SCLT1: variants seen among roughly 807,000 people sequenced by gnomAD.
The protein encoded by SCLT1 is sodium channel and clathrin linker 1.
A neutral mutation model predicts 112.8 loss-of-function variants in SCLT1; 78 were observed. The ratio of observed to expected loss-of-function variants is 0.69; its 90% CI spans 0.58 to 0.83. SCLT1 has a LOEUF of 0.83. Among genes scored for constraint, SCLT1 ranks in the 40% least tolerant of loss-of-function variants. SCLT1 has a pLI of 0.00. For missense variants in SCLT1, 747 were observed against 770.4 expected (o/e 0.97, Z 0.36); for synonymous variants, 257 against 254.7 (o/e 1.01, Z -0.09).
At chr4:129,051,529 T>C (rs1748790655) in intron 2 of SCLT1, among the ~76,000 whole-genome samples, 1 of 152,164 alleles carries the variant, frequency 6.6e-6, no homozygotes, top group South Asian at 2.1e-4. Context: ...TCTCTATTGG[T>C]CTGCTATTGG....
intron 18 of SCLT1, among the ~76,000 whole-genome samples, chr4:128,918,997 C>T (rs1210073587): frequency 6.6e-6 from 1 of 152,134 alleles, no homozygotes; most frequent in Non-Finnish European, 1.5e-5. Context: ...CAACATGCCA[C>T]TGACAGTATT....
In SCLT1 at chr4:128,997,935, T is replaced by C. The variant is rs1743147104; in HGVS notation, c.554A>G (p.Gln185Arg). The C allele has an allele frequency of 1.3e-6, 2 of 1,505,936 alleles. No homozygotes were observed. The highest frequency in any genetic ancestry group is 1.9e-5 in the Admixed American group (1 of 51,526). 93.3% of individuals were successfully genotyped at this position (1,505,936 alleles called of 1,614,324 possible). A position where few individuals can be genotyped will look rare whatever the true frequency, so the allele number is the denominator to read the frequency against. The change falls in exon 8 of 21, where the codon CAG (glutamine) becomes CGG (arginine). Residue 185 changes from glutamine to arginine, a missense_variant. Gln to Arg is a conservative substitution (Grantham distance 43). Around this residue, in one of 2 missense-constraint regions of SCLT1, gnomAD observed 723 missense variants for 721.3 expected, o/e 1.00. Coordinates refer to ENST00000281142, the MANE Select transcript of SCLT1 (RefSeq NM_144643.4). ...GGTCAGTTGTTGAAAATCAAATAGC[T>C]GATCCTACAGTGGGAAGGTAAGGGG... ...HVFESQKQKD[Q>R]LFDFQQLTKQ...
At chr4:128,987,189 A>G (rs1742173108) in intron 9 of SCLT1, among the ~76,000 whole-genome samples, 1 of 152,182 alleles carries the variant, frequency 6.6e-6, no homozygotes, top group African/African-American at 2.4e-5. Flanking sequence ...AAAACACTCA[A>G]TCTCTTTTGG....
intron 17 of SCLT1, 92 bp downstream of exon 17, chr4:128,942,904 G>C (rs1306628035): frequency 2.4e-6 from 2 of 842,254 alleles, no homozygotes; most frequent in African/African-American, 3.4e-5. Context: ...CAAAAAAAAA[G>C]GGGGCCTTAA....
chr4:128,979,779 C>T (rs188412085), intron 9 of SCLT1, among the ~76,000 whole-genome samples: 3 of 152,114 alleles, frequency 2.0e-5, no homozygotes, highest in Admixed American at 2.0e-4. Context: ...AAACAGTCAT[C>T]TACTCTTAGA....
rs202245618 is a variant in SCLT1, at chr4:129,007,297, G to GT, written c.291-3422dup. Among the ~76,000 whole-genome samples the GT allele has an allele frequency of 5.4e-3, 806 of 149,848 alleles. 11 individuals are homozygous for GT. The highest frequency in any genetic ancestry group is 0.017 in the African/African-American group (697 of 40,830). On this transcript the variant is annotated intron_variant, in intron 5 of 20. Transcript: ENST00000281142. ...TTCAAATATTGCATCTTAACTTACT[G>GT]TTTTTTTTTCTGGTTGCTATTTTAT...
chr4:129,007,353 T>C (rs1744119348), intron 5 of SCLT1, among the ~76,000 whole-genome samples: 2 of 152,200 alleles, frequency 1.3e-5, no homozygotes, highest in South Asian at 2.1e-4. Context: ...ATATTTCCTA[T>C]TATAATGGTG....
chr4:128,937,711 T>C lies in SCLT1; in HGVS notation c.1633-860A>G, dbSNP rs562447112. ...GAAAGAGACAATATAAACAATGATT[T>C]TGAAAATCTCTTACGAAAATGTCTT... On this transcript the variant is annotated intron_variant, in intron 17 of 20. Transcript: ENST00000281142. Among the ~76,000 whole-genome samples the C allele has an allele frequency of 2.0e-5, 3 of 152,354 alleles. No individual in the cohort carries two copies. The East Asian group carries it at 5.8e-4, about 29-fold the overall frequency.
chr4:129,078,111 G>C (rs1751618009), intron 2 of SCLT1, among the ~76,000 whole-genome samples: 1 of 152,182 alleles, frequency 6.6e-6, no homozygotes, highest in South Asian at 2.1e-4. Flanking sequence ...AAGACAACAA[G>C]AATAGTACAC....
At position 129,003,745 on chromosome 4, in the gene SCLT1, T is replaced by TTGGC; in HGVS notation, c.418_421dup (p.Asn141SerfsTer32). ...TTAAAAATACATGTCACTCACTTGATTGGCTAGCTGCAATTGTTCTTGAAG... is the reference window on the plus strand; with the variant it reads ...TTAAAAATACATGTCACTCACTTGATTGGCTGGCTAGCTGCAATTGTTCTTGAAG... On this transcript the variant is annotated frameshift_variant, in exon 6 of 21. Coordinates refer to ENST00000281142, the MANE Select transcript of SCLT1 (RefSeq NM_144643.4). LOFTEE classifies it high-confidence loss of function. The TTGGC allele has an allele frequency of 6.2e-7, 1 of 1,600,390 alleles. No individual in the cohort carries two copies.
At chr4:128,963,738 A>T (rs1351742466) in intron 11 of SCLT1, among the ~76,000 whole-genome samples, 1 of 152,128 alleles carries the variant, frequency 6.6e-6, no homozygotes, top group Non-Finnish European at 1.5e-5. Context: ...CTCAAATCTA[A>T]TTATTATTGA....
At chr4:129,082,635 A>G (rs1212172890) in intron 1 of SCLT1, among the ~76,000 whole-genome samples, 1 of 152,208 alleles carries the variant, frequency 6.6e-6, no homozygotes, top group African/African-American at 2.4e-5. Flanking sequence ...ATAAACATGA[A>G]ATCTCAGTCT....
intron 18 of SCLT1, among the ~76,000 whole-genome samples, chr4:128,932,235 A>G (rs1056671326): frequency 2.6e-5 from 4 of 152,144 alleles, no homozygotes; most frequent in African/African-American, 9.6e-5. Flanking sequence ...AGGTTTTTTA[A>G]AAAGTATAAA....
intron 18 of SCLT1, among the ~76,000 whole-genome samples, chr4:128,894,363 AACACACACACACACACACACAC>A (rs10522940): frequency 0.23 from 32,695 of 143,038 alleles, 4,577 homozygotes; most frequent in African/African-American, 0.39. Context: ...TTGAGTAAGT[AACACACACACACACACACACAC>A]ACACACACAC....
At position 128,984,802 on chromosome 4, in the gene SCLT1, G is replaced by T. The variant is rs183395482; in HGVS notation, c.686+7365C>A. ...CCTATTATCATTATCAGCTGTAAAAGATATTCTCATTTGTTTATTTTTGTT... is the reference window on the plus strand; with the variant it reads ...CCTATTATCATTATCAGCTGTAAAATATATTCTCATTTGTTTATTTTTGTT... On this transcript the variant is annotated intron_variant, in intron 9 of 20. Coordinates refer to ENST00000281142, the MANE Select transcript of SCLT1 (RefSeq NM_144643.4). Among the ~76,000 whole-genome samples the T allele has an allele frequency of 1.4e-3, 212 of 151,910 alleles. 1 individual carries two copies. Among genetic ancestry groups the T allele is most frequent in the Non-Finnish European group, 1.5e-3 (104 of 67,920 alleles).
At chr4:129,072,124 G>A (rs1751069132) in intron 2 of SCLT1, among the ~76,000 whole-genome samples, 1 of 152,142 alleles carries the variant, frequency 6.6e-6, no homozygotes, top group African/African-American at 2.4e-5. Flanking sequence ...TTTGTCCGAA[G>A]AGGCTGAAGA....
intron 5 of SCLT1, chr4:128,873,966 A>C (rs951499629): frequency 5.2e-5 from 8 of 152,652 alleles, no homozygotes; most frequent in Admixed American, 3.9e-4. Context: ...TTTCAAACCA[A>C]GTCTTAACTT....
intron 2 of SCLT1, among the ~76,000 whole-genome samples, chr4:129,048,704 G>A (rs144872633): frequency 0.018 from 2,702 of 152,192 alleles, 98 homozygotes; most frequent in African/African-American, 0.063. Context: ...CCTACAAAAT[G>A]GGAGAAAATT....
At chr4:129,037,014 T>G (rs538591680) in intron 5 of SCLT1, 1 of 152,008 alleles carries the variant, frequency 6.6e-6, no homozygotes, top group South Asian at 2.1e-4. Flanking sequence ...GTTAAGAAAC[T>G]TGGTATGGAA....
Sources: gnomAD v4.1 joint callset for allele counts (sites outside exome capture counted in the v4.1 genomes callset) on GRCh38, gnomAD v4.1.1 for gene constraint, gnomAD v4.1.1 regional missense constraint, MANE v1.5 for transcripts, NCBI Gene and HGNC (gene_info 2026-07-23, HGNC 2026-07-21) for gene names.